TRIM59: variants seen among roughly 807,000 people sequenced by gnomAD.
TRIM59 encodes tripartite motif-containing protein 59.
In TRIM59, 14 loss-of-function variants were observed where a neutral mutation model predicts 32.2. That is an observed-to-expected ratio of 0.43 (90% CI 0.29 to 0.68). TRIM59 has a LOEUF of 0.68. Ranked by LOEUF, TRIM59 falls within the 30% of genes least tolerant of loss-of-function variation. The probability of loss-of-function intolerance (pLI) is 0.15; values close to 1 mark genes in which losing one functional copy is unlikely to be tolerated. For synonymous variants in TRIM59, 163 were observed against 155.1 expected, an observed-to-expected ratio of 1.05 and a Z score of -0.38; for missense variants, 471 against 463.3, an observed-to-expected ratio of 1.02 and a Z score of -0.15.
At chr3:160,446,094 G>A (rs1466826082) in intron 2 of TRIM59, among the ~76,000 whole-genome samples, 1 of 152,064 alleles carries the variant, frequency 6.6e-6, no homozygotes, top group East Asian at 1.9e-4. Flanking sequence ...ACAGCTGTGA[G>A]CCACCATGAC....
Position 160,437,521 on chromosome 3 carries a change from C to T in TRIM59, c.*451G>A. The T allele has an allele frequency of 1.0e-6, 1 of 985,618 alleles. No homozygotes were observed. The highest frequency in any genetic ancestry group is 1.2e-6 in the Non-Finnish European group (1 of 830,116). The allele number at this position is 985,618 out of a possible 1,614,324, so 61.1% of individuals were successfully genotyped here. A position where few individuals can be genotyped will look rare whatever the true frequency, so the allele number is the denominator to read the frequency against. On this transcript the variant is annotated 3_prime_UTR_variant, in exon 3 of 3. Transcript: ENST00000309784. ...GCCTTATCACTTTAAGACTTTGTTG[C>T]TTGATTTTGAAACCTTTCTATCATC...
intron 2 of TRIM59, among the ~76,000 whole-genome samples, chr3:160,444,548 T>C (rs1719421123): frequency 6.6e-6 from 1 of 152,238 alleles, no homozygotes; most frequent in Admixed American, 6.5e-5. Context: ...AATGTGACTT[T>C]GCTGCTACTC....
intron 2 of TRIM59, among the ~76,000 whole-genome samples, chr3:160,442,989 C>T (rs868826620): frequency 1.3e-5 from 2 of 152,160 alleles, no homozygotes; most frequent in African/African-American, 2.4e-5. Context: ...CACAGTGATA[C>T]ACGCCTATAA....
At position 160,435,742 on chromosome 3, in the gene TRIM59, C is replaced by G. The variant is rs1057196927; in HGVS notation, c.*2230G>C. 2 of 336,272 alleles carry G rather than the reference C, an allele frequency of 5.9e-6. No homozygotes were observed. Among genetic ancestry groups the G allele is most frequent in the Middle Eastern group, 3.9e-4 (1 of 2,556 alleles). 20.8% of individuals were successfully genotyped at this position (336,272 alleles called of 1,614,324 possible). The stretch of plus-strand genomic sequence containing the variant: ...AAATCTAAAATGATATATATACTTA[C>G]GTTTTTAGCATTCTTACAGATTACA... On this transcript the variant is annotated 3_prime_UTR_variant, in exon 3 of 3. Transcript: ENST00000309784.
rs560382395 is a variant in TRIM59 at position 160,437,836 on chromosome 3, G to A, written c.*136C>T. The A allele has an allele frequency of 8.3e-5, 107 of 1,286,098 alleles. No individual in the cohort carries two copies. The African/African-American group carries it at 1.6e-3, about 19-fold the overall frequency. 79.7% of individuals were successfully genotyped at this position (1,286,098 alleles called of 1,614,324 possible). Reference sequence around the variant, plus strand: ...TTTGACATATCATTGCTAACCAAAAGAAGCAACAAATATAAACATTTGTTT... The same window carrying A: ...TTTGACATATCATTGCTAACCAAAAAAAGCAACAAATATAAACATTTGTTT... On this transcript the variant is annotated 3_prime_UTR_variant, in exon 3 of 3. Coordinates refer to ENST00000309784, the MANE Select transcript of TRIM59 (RefSeq NM_173084.3).
rs984440818 is a variant in TRIM59 at position 160,436,073 on chromosome 3, C to G, written c.*1899G>C. 4 of 1,156,846 alleles carry G rather than the reference C, an allele frequency of 3.5e-6. No individual in the cohort carries two copies. The highest frequency in any genetic ancestry group is 4.3e-6 in the Non-Finnish European group (4 of 925,794). The allele number at this position is 1,156,846 out of a possible 1,614,324, so 71.7% of individuals were successfully genotyped here. On this transcript the variant is annotated 3_prime_UTR_variant, in exon 3 of 3. Coordinates refer to ENST00000309784, the MANE Select transcript of TRIM59 (RefSeq NM_173084.3). The stretch of plus-strand genomic sequence containing the variant: ...TTTATCTCTAGCTGAGTATGTGTCT[C>G]TCCTTACCTCTACTATGCCCTTTAA...
At chr3:160,441,428 G>C (rs1719233953) in intron 2 of TRIM59, among the ~76,000 whole-genome samples, 1 of 152,036 alleles carries the variant, frequency 6.6e-6, no homozygotes, top group Non-Finnish European at 1.5e-5. Context: ...TCTCTGCTTA[G>C]GAAAAGGTGT....
chr3:160,449,730 C>A lies in TRIM59; in HGVS notation c.-87G>T. The A allele has an allele frequency of 1.6e-6, 2 of 1,289,978 alleles. No individual in the cohort carries two copies. Among genetic ancestry groups the A allele is most frequent in the Non-Finnish European group, 2.0e-6 (2 of 988,958 alleles). 79.9% of individuals were successfully genotyped at this position (1,289,978 alleles called of 1,614,324 possible). On this transcript the variant is annotated 5_prime_UTR_variant, in exon 1 of 3. Transcript: ENST00000309784. ...CCTTAGACTCACCGCGGGGAGGAAG[C>A]GGACCAGGCAACTCCACAGCACGGA...
chr3:160,436,993 A>G lies in TRIM59; in HGVS notation c.*979T>C. 1.0e-6 allele frequency: 1 copy of G among 985,176 alleles called. No homozygotes were observed. Among genetic ancestry groups the G allele is most frequent in the Non-Finnish European group, 1.2e-6 (1 of 829,888 alleles). 61.0% of individuals were successfully genotyped at this position (985,176 alleles called of 1,614,324 possible). A position where few individuals can be genotyped will look rare whatever the true frequency, so the allele number is the denominator to read the frequency against. ...AGTTTTTAATCCAAGAACTGATTTG[A>G]CTGACGAGCAGAAAAAAAAACAATC... On this transcript the variant is annotated 3_prime_UTR_variant, in exon 3 of 3. Coordinates refer to ENST00000309784, the MANE Select transcript of TRIM59 (RefSeq NM_173084.3).
rs768725310 is a variant in TRIM59 at position 160,436,492 on chromosome 3, A to G, written c.*1480T>C. ...TTGATTTAATTGGCCCTCTTAAGCAAAGCTAATAAAAGATTAAGTTGTTGG... is the reference window on the plus strand; with the variant it reads ...TTGATTTAATTGGCCCTCTTAAGCAGAGCTAATAAAAGATTAAGTTGTTGG... On this transcript the variant is annotated 3_prime_UTR_variant, in exon 3 of 3. Transcript: ENST00000309784. 7 of 985,764 alleles carry G rather than the reference A, an allele frequency of 7.1e-6. No individual in the cohort carries two copies. The highest frequency in any genetic ancestry group is 8.4e-6 in the Non-Finnish European group (7 of 829,936). The allele number at this position is 985,764 out of a possible 1,614,324, so 61.1% of individuals were successfully genotyped here. A position where few individuals can be genotyped will look rare whatever the true frequency, so the allele number is the denominator to read the frequency against.
Position 160,438,536 on chromosome 3 carries a change from T to C in TRIM59, c.648A>G (p.Gln216=). ...TTCTTTCAATTTGTGGAGTATATTC[T>C]TGATTAATTAGATTGCCAACATCAC... ...ALCDVGNLIN[Q]EYTPQIERMK... Residue 216 remains glutamine, a synonymous_variant, in exon 3 of 3, where the codon CAA becomes CAG. Transcript: ENST00000309784. 6.2e-7 allele frequency: 1 copy of C among 1,612,000 alleles called. No homozygotes were observed. The highest frequency in any genetic ancestry group is 8.5e-7 in the Non-Finnish European group (1 of 1,179,558).
At chr3:160,446,478 A>G (rs1719532878) in intron 2 of TRIM59, among the ~76,000 whole-genome samples, 1 of 152,192 alleles carries the variant, frequency 6.6e-6, no homozygotes, top group Non-Finnish European at 1.5e-5. Flanking sequence ...TAATTCAATA[A>G]CGAAAAATCT....
chr3:160,449,290 A>C lies in TRIM59; in HGVS notation c.-74+427T>G, dbSNP rs142122535. Among the ~76,000 whole-genome samples, 1,456 of 152,242 alleles carry C rather than the reference A, an allele frequency of 9.6e-3. 28 individuals are homozygous for C. The highest frequency in any genetic ancestry group is 0.033 in the African/African-American group (1,352 of 41,532). ...TCACATCTGTAAAATGGGTAACTGC[A>C]CCTACCTCACTTAAGTCCTGCGAGC... is the stretch of plus-strand genomic sequence containing the variant. On this transcript the variant is annotated intron_variant, in intron 1 of 2. Coordinates refer to ENST00000309784, the MANE Select transcript of TRIM59 (RefSeq NM_173084.3).
Position 160,438,395 on chromosome 3 carries a change from G to A in TRIM59, c.789C>T (p.Ile263=), listed in dbSNP as rs763311365. ...CCTCAGGAAGTGGTCTTTGTTTCAA[G>A]ATCTGTACATGCTGGCGTACATCAT... The part of the protein sequence containing the change: ...KVDDVRQHVQ[I]LKQRPLPEVQ... The change falls in exon 3 of 3, where the codon ATC becomes ATT. Residue 263 remains isoleucine (I), a synonymous_variant. Coordinates refer to ENST00000309784, the MANE Select transcript of TRIM59 (RefSeq NM_173084.3). 1 of 1,613,860 alleles carries A rather than the reference G, an allele frequency of 6.2e-7. No individual in the cohort carries two copies. The highest frequency in any genetic ancestry group is 1.7e-5 in the Admixed American group (1 of 59,992).
intron 2 of TRIM59, among the ~76,000 whole-genome samples, chr3:160,440,966 A>G (rs1304564385): frequency 6.6e-6 from 1 of 152,228 alleles, no homozygotes; most frequent in Non-Finnish European, 1.5e-5. Context: ...ACCAAATCAC[A>G]TGCTATAAAA....
At chr3:160,449,302 TA>T in intron 1 of TRIM59, 1 of 278,962 alleles carries the variant, frequency 3.6e-6, no homozygotes, top group Non-Finnish European at 6.8e-6. Context: ...CTACCTCACT[TA>T]AGTCCTGCGA....
In TRIM59 at chr3:160,437,970, T is replaced by G. The variant is rs766714172; in HGVS notation, c.*2A>C. ...CCATTTAAACAATTCAGGTTGACAT[T>G]TTCAATGGGAAACTATTTTCCACAC... On this transcript the variant is annotated 3_prime_UTR_variant, in exon 3 of 3. Coordinates refer to ENST00000309784, the MANE Select transcript of TRIM59 (RefSeq NM_173084.3). 6.5e-7 allele frequency: 1 copy of G among 1,535,318 alleles called. No individual in the cohort carries two copies. Among genetic ancestry groups the G allele is most frequent in the East Asian group, 2.3e-5 (1 of 44,206 alleles).
Position 160,437,074 on chromosome 3 carries a change from G to A in TRIM59, c.*898C>T, listed in dbSNP as rs1317182431. On this transcript the variant is annotated 3_prime_UTR_variant, in exon 3 of 3. Coordinates refer to ENST00000309784, the MANE Select transcript of TRIM59 (RefSeq NM_173084.3). ...AGTATTAGAAAATGCTGGCCCCCAG[G>A]CACAGTGTGGCTAACGTCTGTAATC... 42 of 985,060 alleles carry A rather than the reference G, an allele frequency of 4.3e-5. No individual in the cohort carries two copies. The highest frequency in any genetic ancestry group is 4.7e-5 in the Non-Finnish European group (39 of 829,730). 61.0% of individuals were successfully genotyped at this position (985,060 alleles called of 1,614,324 possible).
intron 2 of TRIM59, among the ~76,000 whole-genome samples, chr3:160,448,181 A>G (rs1482516284): frequency 1.3e-5 from 2 of 152,224 alleles, no homozygotes; most frequent in African/African-American, 4.8e-5. Context: ...ATTCAATTTA[A>G]CCGGAATTGA....
Sources: gnomAD v4.1 joint callset for allele counts (sites outside exome capture counted in the v4.1 genomes callset) on GRCh38, gnomAD v4.1.1 for gene constraint, MANE v1.5 for transcripts, NCBI Gene and HGNC (gene_info 2026-07-23, HGNC 2026-07-21) for gene names.